KDM2B: variants seen among roughly 807,000 people sequenced by gnomAD.
KDM2B encodes the protein lysine demethylase 2B.
Under a neutral mutation model 150.0 loss-of-function variants are expected in KDM2B, and 26 were observed. The ratio of observed to expected loss-of-function variants is 0.17; its 90% CI spans 0.13 to 0.24. The LOEUF is 0.24. KDM2B is among the 10% of genes least tolerant of loss of function. The pLI is 1.00. For missense variants in KDM2B, 1,265 were observed against 1,816.9 expected, an observed-to-expected ratio of 0.70 and a Z score of 5.52; for synonymous variants, 734 against 729.5, an observed-to-expected ratio of 1.01 and a Z score of -0.10.
At chr12:121,561,372 G>A (rs1196014876) in intron 4 of KDM2B, among the ~76,000 whole-genome samples, 3 of 152,078 alleles carry the variant, frequency 2.0e-5, no homozygotes, top group Non-Finnish European at 4.4e-5. Flanking sequence ...TTCCTCATCC[G>A]TGTCACACAG....
At chr12:121,552,747 G>A (rs147612098) in intron 4 of KDM2B, among the ~76,000 whole-genome samples, 102 of 151,922 alleles carry the variant, frequency 6.7e-4, no homozygotes, top group Non-Finnish European at 1.3e-3. Flanking sequence ...CTAGGAAGCA[G>A]TGGATCCAGG....
At chr12:121,482,451 C>T (rs1296526232) in intron 12 of KDM2B, among the ~76,000 whole-genome samples, 1 of 151,990 alleles carries the variant, frequency 6.6e-6, no homozygotes, top group Non-Finnish European at 1.5e-5. Flanking sequence ...TACAGGTACC[C>T]GCCACCACGC....
intron 11 of KDM2B, among the ~76,000 whole-genome samples, chr12:121,497,422 A>G (rs1884089516): frequency 6.6e-6 from 1 of 152,072 alleles, no homozygotes; most frequent in South Asian, 2.1e-4. Flanking sequence ...CTCCTGCCTC[A>G]GCCTCCTGAG....
chr12:121,412,447 G>T, the KDM2B span, among the ~76,000 whole-genome samples: 1 of 151,750 alleles, frequency 6.6e-6, no homozygotes, highest in African/African-American at 2.4e-5. Flanking sequence ...GTTTCACCGT[G>T]TCAGCCAGGA....
intron 1 of KDM2B, chr12:121,579,963 T>TAA: frequency 6.5e-6 from 8 of 1,223,184 alleles, no homozygotes; most frequent in Non-Finnish European, 8.5e-6. Context: ...AAAAAAAAGA[T>TAA]CTATCATATG....
Position 121,442,624 on chromosome 12 carries a change from C to T in KDM2B, c.2817G>A (p.Arg939=), listed in dbSNP as rs782479990. Residue 939 remains arginine, a synonymous_variant, in exon 19 of 23, where the codon CGG becomes CGA. Coordinates refer to ENST00000377071, the MANE Select transcript of KDM2B (RefSeq NM_032590.5). The surrounding 1 kb of genome is among the most constrained non-coding windows in gnomAD (Gnocchi z 7.7). Reference sequence around the variant, plus strand: ...TGCTCAGCTCCTTGTTGGGAAGCCGCCGCTTCCGGCGCATCTTCACCTTCT... The same window carrying T: ...TGCTCAGCTCCTTGTTGGGAAGCCGTCGCTTCCGGCGCATCTTCACCTTCT... ...EKKKVKMRRK[R]RLPNKELSRE... is the part of the protein sequence containing the mutation. 6.2e-7 allele frequency: 1 copy of T among 1,603,126 alleles called. No homozygotes were observed. Among genetic ancestry groups the T allele is most frequent in the Non-Finnish European group, 8.5e-7 (1 of 1,179,050 alleles).
intron 1 of KDM2B, 129 bp downstream of exon 1, chr12:121,580,657 C>T: frequency 1.1e-5 from 15 of 1,346,038 alleles, no homozygotes; most frequent in South Asian, 3.1e-5. Context: ...AAATGCAAGC[C>T]GAGCATGCTG....
At chr12:121,428,199 TTCTC>T (rs1259157831), downstream of KDM2B, among the ~76,000 whole-genome samples, 540 of 152,116 alleles carry the variant, frequency 3.5e-3, 1 homozygote, top group African/African-American at 0.012. Context: ...GATGAGATCT[TTCTC>T]TTTTTTTTTT....
chr12:121,539,863 C>A (rs1349129034), intron 6 of KDM2B, among the ~76,000 whole-genome samples: 4 of 152,030 alleles, frequency 2.6e-5, no homozygotes, highest in African/African-American at 4.8e-5. Flanking sequence ...CCTCAGCTTC[C>A]CAAGTAGCTG....
In KDM2B at chr12:121,549,534, C is replaced by G. The variant is rs782668197; in HGVS notation, c.502G>C (p.Asp168His). The G allele has an allele frequency of 5.0e-6, 8 of 1,613,570 alleles. No individual in the cohort carries two copies. The highest frequency in any genetic ancestry group is 6.8e-6 in the Non-Finnish European group (8 of 1,179,716). The change falls in exon 5 of 23, where the codon GAC (aspartate) becomes CAC (histidine). Residue 168 changes from aspartate to histidine, a missense_variant. By Grantham distance (81) the Asp-to-His change is moderately conservative. Transcript: ENST00000377071. This position sits in a 1 kb window ranked among gnomAD's most constrained non-coding sequence, Gnocchi z 4.4. ...RYYETPEAQR[D>H]KLYNVISLEF... The stretch of plus-strand genomic sequence containing the variant: ...AGGCTGATGACGTTGTACAGCTTGT[C>G]CCGCTGGGCCTCGGGCGTCTCGTAG...
intron 9 of KDM2B, among the ~76,000 whole-genome samples, chr12:121,517,188 C>G (rs904734382): frequency 8.6e-5 from 13 of 152,004 alleles, no homozygotes; most frequent in African/African-American, 3.1e-4. Flanking sequence ...ACAACATATC[C>G]ACTCGTTGCT....
the KDM2B span, chr12:121,423,587 C>T: frequency 5.0e-6 from 8 of 1,609,752 alleles, no homozygotes; most frequent in Admixed American, 6.7e-5. The surrounding 1 kb of genome is among the most constrained non-coding windows in gnomAD (Gnocchi z 4.3). Flanking sequence ...AACAGGCTCC[C>T]CTCACCAGGA....
At chr12:121,524,429 C>T (rs1322777920) in intron 8 of KDM2B, among the ~76,000 whole-genome samples, 1 of 152,188 alleles carries the variant, frequency 6.6e-6, no homozygotes, top group East Asian at 1.9e-4. Context: ...AAGAGGAACA[C>T]AGAGGAGAGC....
At position 121,513,601 on chromosome 12, in the gene KDM2B, G is replaced by T. The variant is rs1279609953; in HGVS notation, c.1048-199C>A. On this transcript the variant is annotated intron_variant, in intron 9 of 22. Coordinates refer to ENST00000377071, the MANE Select transcript of KDM2B (RefSeq NM_032590.5). This position sits in a 1 kb window ranked among gnomAD's most constrained non-coding sequence, Gnocchi z 5.0. ...ATGCACAAATGAGGCGGAGGACGAG[G>T]CCCGCATGAGCGCCTCATCTCAAAG... is the stretch of plus-strand genomic sequence containing the variant. Among the ~76,000 whole-genome samples the T allele has an allele frequency of 6.6e-6, 1 of 152,110 alleles. No individual in the cohort carries two copies. Among genetic ancestry groups the T allele is most frequent in the Admixed American group, 6.6e-5 (1 of 15,266 alleles).
chr12:121,535,214 A>G (rs568682685), intron 6 of KDM2B, among the ~76,000 whole-genome samples: 11 of 152,118 alleles, frequency 7.2e-5, no homozygotes, highest in Non-Finnish European at 1.5e-4. Flanking sequence ...AATGACCAAA[A>G]AAAAAAAAAC....
chr12:121,446,478 C>T (rs1021777373), intron 13 of KDM2B, among the ~76,000 whole-genome samples: 2 of 152,226 alleles, frequency 1.3e-5, no homozygotes, highest in Admixed American at 1.3e-4. Context: ...CCCTAGAGTA[C>T]ACATCCTTTT....
the KDM2B span, chr12:121,420,567 G>A: frequency 4.3e-6 from 7 of 1,613,894 alleles, no homozygotes; most frequent in Admixed American, 1.2e-4. Flanking sequence ...TGGATGCTCT[G>A]TGGTTTCAGA....
At chr12:121,546,523 C>T (rs555692470) in intron 6 of KDM2B, among the ~76,000 whole-genome samples, 7 of 151,142 alleles carry the variant, frequency 4.6e-5, no homozygotes, top group Admixed American at 2.0e-4. Context: ...GCTGGGACTA[C>T]AGGCGCCCGC....
chr12:121,442,161 G>A lies in KDM2B; in HGVS notation c.3280C>T (p.Arg1094Cys). Reference sequence around the variant, plus strand: ...CCTACACAGGCCGCCGCTCACCAGCGGTTCCAGGTCCTGCAGACCCGCATG... The same window carrying A: ...CCTACACAGGCCGCCGCTCACCAGCAGTTCCAGGTCCTGCAGACCCGCATG... ...VCMRVCRTWN[R>C]WCCDKRLWTR... The change falls in exon 19 of 23, where the codon CGC (arginine) becomes TGC (cysteine). Residue 1094 changes from arginine (R) to cysteine (C), a missense_variant. Transcript: ENST00000377071. The surrounding 1 kb of genome is among the most constrained non-coding windows in gnomAD (Gnocchi z 7.7). 2 of 1,613,460 alleles carry A rather than the reference G, an allele frequency of 1.2e-6. No individual in the cohort carries two copies. The highest frequency in any genetic ancestry group is 1.7e-6 in the Non-Finnish European group (2 of 1,179,886).
Sources: gnomAD v4.1 joint callset for allele counts (sites outside exome capture counted in the v4.1 genomes callset) on GRCh38, gnomAD v4.1.1 for gene constraint, Gnocchi (gnomAD v3.1) non-coding constraint, MANE v1.5 for transcripts, NCBI Gene and HGNC (gene_info 2026-07-23, HGNC 2026-07-21) for gene names.